ADTRP: variants seen among roughly 807,000 people sequenced by gnomAD.
The protein encoded by ADTRP is androgen-dependent TFPI-regulating protein.
In ADTRP, 20 loss-of-function variants were observed where a neutral mutation model predicts 27.0. That is an observed-to-expected ratio of 0.74 (90% CI 0.52 to 1.08). ADTRP has a LOEUF of 1.08. ADTRP is among the 50% of genes least tolerant of loss of function. The pLI is 0.00. For synonymous variants in ADTRP, 101 were observed against 105.2 expected (o/e 0.96, Z 0.25); for missense variants, 251 against 275.0 (o/e 0.91, Z 0.62).
chr6:11,773,485 C>T (rs1198168539), intron 1 of ADTRP, among the ~76,000 whole-genome samples: 1 of 152,202 alleles, frequency 6.6e-6, no homozygotes, highest in East Asian at 1.9e-4. Context: ...TCGTTCAGAG[C>T]TGTCCGGGAG....
chr6:11,776,550 CA>C (rs1471257694), intron 1 of ADTRP, among the ~76,000 whole-genome samples: 1 of 152,160 alleles, frequency 6.6e-6, no homozygotes, highest in Non-Finnish European at 1.5e-5. Flanking sequence ...CTGTGAAAAT[CA>C]GAGAAAGGAA....
intron 5 of ADTRP, among the ~76,000 whole-genome samples, chr6:11,721,299 A>G (rs1348712766): frequency 6.6e-6 from 1 of 152,220 alleles, no homozygotes; most frequent in Non-Finnish European, 1.5e-5. Context: ...TGGGGCACAC[A>G]TATAGAAGAG....
intron 3 of ADTRP, among the ~76,000 whole-genome samples, chr6:11,740,389 T>C (rs1454156970): frequency 1.3e-5 from 1 of 78,422 alleles, no homozygotes; most frequent in Non-Finnish European, 2.2e-5. Flanking sequence ...AAATATATCA[T>C]TTTTTTAATT....
At chr6:11,723,639 C>T in intron 4 of ADTRP, 139 bp from the exon 5 acceptor site, 4 of 942,506 alleles carry the variant, frequency 4.2e-6, no homozygotes, top group Non-Finnish European at 6.4e-6. Flanking sequence ...TGTAGTATTC[C>T]CACAAACCTA....
chr6:11,733,280 T>C (rs757191610), intron 4 of ADTRP, among the ~76,000 whole-genome samples: 2 of 152,252 alleles, frequency 1.3e-5, no homozygotes, highest in African/African-American at 2.4e-5. Context: ...TAATCAGCTT[T>C]CTTACATAAA....
intron 3 of ADTRP, among the ~76,000 whole-genome samples, chr6:11,751,078 T>C (rs997237701): frequency 4.6e-5 from 7 of 152,228 alleles, no homozygotes; most frequent in African/African-American, 1.7e-4. Context: ...CTCGAACTTC[T>C]GGGCTCAAGC....
chr6:11,736,087 T>G (rs1561751252), intron 3 of ADTRP: 1 of 161,614 alleles, frequency 6.2e-6, no homozygotes, highest in Non-Finnish European at 1.4e-5. Context: ...CTCAGCCTCC[T>G]GAGTAGCTGG....
intron 4 of ADTRP, among the ~76,000 whole-genome samples, chr6:11,726,567 C>A (rs1762208906): frequency 6.6e-6 from 1 of 152,168 alleles, no homozygotes; most frequent in Admixed American, 6.5e-5. Context: ...CAGGGCCATG[C>A]CCTTGAACTT....
chr6:11,723,409 T>A lies in ADTRP; in HGVS notation c.598A>T (p.Ser200Cys). 1 of 1,613,990 alleles carries A rather than the reference T, an allele frequency of 6.2e-7. No individual in the cohort carries two copies. Among genetic ancestry groups the A allele is most frequent in the Non-Finnish European group, 8.5e-7 (1 of 1,179,992 alleles). Residue 200 changes from serine to cysteine, a missense_variant, in exon 5 of 6, where the codon AGC (serine) becomes TGC (cysteine). Coordinates refer to ENST00000414691, the MANE Select transcript of ADTRP (RefSeq NM_032744.4). ...TAGATGCTGGCGATGAAGACGTAGC[T>A]GAGAGAGAAGAAAGCTGCTAGACCC... is the stretch of plus-strand genomic sequence containing the variant. ...LLGLAAFFSL[S>C]YVFIASIYLL...
At chr6:11,754,915 G>A (rs575583566) in intron 3 of ADTRP, 46 of 579,184 alleles carry the variant, frequency 7.9e-5, no homozygotes, top group African/African-American at 6.1e-5. Flanking sequence ...GGCTGCTCTC[G>A]GGGATTTTTC....
intron 3 of ADTRP, among the ~76,000 whole-genome samples, chr6:11,737,664 C>A (rs1168468621): frequency 2.6e-5 from 4 of 152,204 alleles, no homozygotes; most frequent in African/African-American, 9.6e-5. Flanking sequence ...AAGAGGACCT[C>A]TCAGGGTGCC....
intron 3 of ADTRP, among the ~76,000 whole-genome samples, chr6:11,759,508 A>T (rs1264854828): frequency 4.6e-5 from 7 of 150,656 alleles, no homozygotes; most frequent in Admixed American, 6.6e-5. Context: ...TTTTTTTTTA[A>T]AAAAGAAAAT....
Position 11,714,971 on chromosome 6 carries a change from A to G in ADTRP, c.659-459T>C, listed in dbSNP as rs1181287291. On this transcript the variant is annotated intron_variant, in intron 5 of 5. Transcript: ENST00000414691. ...GCAAATGAATTCATCAGCCTGGTGG[A>G]AAAGTACTGGCATATGGATTAGGTT... Among the ~76,000 whole-genome samples, 3 of 152,338 alleles carry G rather than the reference A, an allele frequency of 2.0e-5. No homozygotes were observed. The East Asian group carries it at 5.8e-4, about 29-fold the overall frequency.
intron 1 of ADTRP, chr6:11,770,031 C>T: frequency 6.4e-7 from 1 of 1,551,706 alleles, no homozygotes; most frequent in Non-Finnish European, 8.7e-7. Context: ...GGAAACAAAC[C>T]TGCCTAAAGC....
At chr6:11,721,660 G>A (rs1409664284) in intron 5 of ADTRP, among the ~76,000 whole-genome samples, 5 of 151,770 alleles carry the variant, frequency 3.3e-5, no homozygotes, top group Non-Finnish European at 5.9e-5. Context: ...GGTAAGTACA[G>A]TCATTTACAA....
Position 11,768,308 on chromosome 6 carries a change from T to C in ADTRP, c.229A>G (p.Lys77Glu). Residue 77 changes from lysine (K) to glutamate (E), a missense_variant, in exon 2 of 6, where the codon AAG becomes GAG. Physicochemically the swap from Lys to Glu is moderately conservative, Grantham distance 56 (BLOSUM62 1). Coordinates refer to ENST00000414691, the MANE Select transcript of ADTRP (RefSeq NM_032744.4). The stretch of plus-strand genomic sequence containing the variant: ...AGGTCTCTGAAGGCAGTTAGGAACT[T>C]AATGTCTTTTCCCCCTTTGGTTCTT... Reference protein sequence around the residue: ...LKRTKGGKDIKFLTAFRDLLF... With the variant: ...LKRTKGGKDIEFLTAFRDLLF... The C allele has an allele frequency of 6.2e-7, 1 of 1,614,216 alleles. No homozygotes were observed. Among genetic ancestry groups the C allele is most frequent in the Non-Finnish European group, 8.5e-7 (1 of 1,180,032 alleles).
At chr6:11,759,429 A>G (rs9368866) in intron 3 of ADTRP, among the ~76,000 whole-genome samples, 96,308 of 151,974 alleles carry the variant, frequency 0.63, 30,884 homozygotes, top group East Asian at 0.93. Context: ...TTGCATCTGT[A>G]TCATACAATC....
chr6:11,728,878 C>G (rs1221428410), intron 4 of ADTRP, among the ~76,000 whole-genome samples: 4 of 152,146 alleles, frequency 2.6e-5, no homozygotes, highest in Non-Finnish European at 5.9e-5. Flanking sequence ...AGTGGCCTTT[C>G]AAGTTTTGGT....
chr6:11,736,776 T>A (rs192478389), intron 3 of ADTRP: 1 of 152,314 alleles, frequency 6.6e-6, no homozygotes. Context: ...GCACTTATGG[T>A]GTATATTCGT....
Sources: allele counts gnomAD v4.1 joint callset (sites outside exome capture counted in the v4.1 genomes callset), GRCh38; gene constraint gnomAD v4.1.1; transcripts MANE v1.5; gene names NCBI Gene and HGNC (gene_info 2026-07-23, HGNC 2026-07-21).